SOS2: variants seen among roughly 807,000 people sequenced by gnomAD.
SOS2 encodes the protein SOS Ras/Rho guanine nucleotide exchange factor 2, also known as son of sevenless homolog 2.
In SOS2, 65 loss-of-function variants were observed where a neutral mutation model predicts 148.2. The ratio of observed to expected loss-of-function variants is 0.44; its 90% CI spans 0.36 to 0.54. The LOEUF (loss-of-function observed/expected upper bound fraction) is 0.54. Among genes scored for constraint, SOS2 ranks in the 20% least tolerant of loss-of-function variants. The pLI is 0.00. For missense variants in SOS2, 1,341 were observed against 1,590.2 expected (o/e 0.84, Z 2.67); for synonymous variants, 539 against 537.1 (o/e 1.00, Z -0.05).
At chr14:50,203,413 A>C (rs1292774808) in intron 2 of SOS2, among the ~76,000 whole-genome samples, 1 of 152,068 alleles carries the variant, frequency 6.6e-6, no homozygotes, top group Non-Finnish European at 1.5e-5. Flanking sequence ...ACTATTAGAC[A>C]TTTGTTTTTA....
At chr14:50,197,754 TCTCAA>T (rs1886359486) in intron 4 of SOS2, among the ~76,000 whole-genome samples, 1 of 147,346 alleles carries the variant, frequency 6.8e-6, no homozygotes, top group African/African-American at 2.5e-5. Flanking sequence ...AGTGGTGCAA[TCTCAA>T]CTCAGTGCAA....
At chr14:50,195,814 A>C (rs966237907) in intron 4 of SOS2, among the ~76,000 whole-genome samples, 1 of 152,146 alleles carries the variant, frequency 6.6e-6, no homozygotes, top group Non-Finnish European at 1.5e-5. Context: ...GCAGATCACA[A>C]GGTCAGGAGT....
chr14:50,220,061 C>T (rs1887154194), intron 1 of SOS2, among the ~76,000 whole-genome samples: 1 of 151,686 alleles, frequency 6.6e-6, no homozygotes, highest in Non-Finnish European at 1.5e-5. Context: ...TTCCCTACAC[C>T]TGTATGCTTA....
At chr14:50,183,919 A>G (rs1340037006) in intron 5 of SOS2, among the ~76,000 whole-genome samples, 3 of 152,230 alleles carry the variant, frequency 2.0e-5, no homozygotes, top group Non-Finnish European at 4.4e-5. Context: ...CATTGTGCAA[A>G]TATCACGGCT....
intron 6 of SOS2, 93 bp from the exon 7 acceptor site, chr14:50,180,775 C>T (rs1039608156): frequency 2.5e-5 from 17 of 674,912 alleles, no homozygotes; most frequent in Non-Finnish European, 3.7e-5. Context: ...CCCAGGAGTT[C>T]GAGGTTACAG....
At chr14:50,120,407 T>A in intron 21 of SOS2, 23 bp from the exon 22 acceptor site, 1 of 1,088,556 alleles carries the variant, frequency 9.2e-7, no homozygotes, top group Non-Finnish European at 1.4e-6. Context: ...AAGACTAGTT[T>A]AACCACAATT....
intron 13 of SOS2, 117 bp downstream of exon 13, chr14:50,152,953 A>G: frequency 1.8e-6 from 1 of 543,502 alleles, no homozygotes; most frequent in East Asian, 3.0e-5. Context: ...CAACAAAGCA[A>G]AGCTCTGTTT....
intron 4 of SOS2, among the ~76,000 whole-genome samples, chr14:50,192,648 G>A (rs940168066): frequency 3.9e-5 from 6 of 152,080 alleles, no homozygotes; most frequent in Non-Finnish European, 8.8e-5. Context: ...CAGATCACTT[G>A]AGGTCAGGAG....
intron 12 of SOS2, 45 bp downstream of exon 12, chr14:50,156,954 T>TAC: frequency 1.0e-6 from 1 of 958,478 alleles, no homozygotes; most frequent in Non-Finnish European, 1.6e-6. Flanking sequence ...TGTGTGTGTA[T>TAC]ATATATGTGT....
chr14:50,160,739 C>T (rs1482204262), intron 9 of SOS2, among the ~76,000 whole-genome samples: 7 of 152,178 alleles, frequency 4.6e-5, no homozygotes, highest in African/African-American at 1.7e-4. Context: ...GTGGCTCAGA[C>T]CTGCAATCTC....
intron 8 of SOS2, among the ~76,000 whole-genome samples, chr14:50,167,929 CT>C (rs1395032598): frequency 1.3e-5 from 2 of 151,248 alleles, no homozygotes; most frequent in African/African-American, 4.9e-5. Flanking sequence ...ATTTCTGTAA[CT>C]TTTTTCTGTT....
chr14:50,148,918 T>C (rs180761513), intron 14 of SOS2, among the ~76,000 whole-genome samples: 4 of 152,308 alleles, frequency 2.6e-5, no homozygotes, highest in Admixed American at 1.3e-4. Context: ...ATTTTAGAGA[T>C]AGGGTCTCAC....
chr14:50,145,279 A>G lies in SOS2; in HGVS notation c.2558T>C (p.Ile853Thr). The change falls in exon 16 of 23, where the codon ATT becomes ACT. Residue 853 changes from isoleucine (I) to threonine (T), a missense_variant. Coordinates refer to ENST00000216373, the MANE Select transcript of SOS2 (RefSeq NM_006939.4). ...TTGAAAAACTTGCAGAATTTCTATA[A>G]TTCTACTTAGTACTGCCACCCGTTC... is the stretch of plus-strand genomic sequence containing the variant. ...FEERVAVLSRIIEILQVFQDL... is the reference protein window; with the variant it reads ...FEERVAVLSRTIEILQVFQDL... 1 of 1,612,436 alleles carries G rather than the reference A, an allele frequency of 6.2e-7. No individual in the cohort carries two copies.
chr14:50,170,580 G>A (rs1478830356), intron 8 of SOS2, among the ~76,000 whole-genome samples: 1 of 151,946 alleles, frequency 6.6e-6, no homozygotes, highest in African/African-American at 2.4e-5. Context: ...TAGCTACGTG[G>A]GAGGGTCGCC....
intron 12 of SOS2, chr14:50,156,350 C>G (rs1479798899): frequency 6.6e-6 from 1 of 152,054 alleles, no homozygotes; most frequent in East Asian, 1.9e-4. Context: ...GCTCAAATTA[C>G]TTCACCTTGC....
chr14:50,128,316 G>A (rs1883748909), intron 21 of SOS2, among the ~76,000 whole-genome samples: 1 of 152,092 alleles, frequency 6.6e-6, no homozygotes, highest in Non-Finnish European at 1.5e-5. Context: ...AAGGGAAAGG[G>A]AAACGAAAAG....
intron 21 of SOS2, among the ~76,000 whole-genome samples, chr14:50,125,218 G>C (rs545618477): frequency 1.8e-4 from 28 of 152,330 alleles, no homozygotes; most frequent in African/African-American, 6.7e-4. Flanking sequence ...ACAGCCATAT[G>C]ACAATGGAGG....
intron 1 of SOS2, among the ~76,000 whole-genome samples, chr14:50,226,573 C>G (rs10145117): frequency 6.6e-6 from 1 of 152,164 alleles, no homozygotes; most frequent in Non-Finnish European, 1.5e-5. Flanking sequence ...CACCTCTTGC[C>G]TTTTAGATAT....
intron 18 of SOS2, among the ~76,000 whole-genome samples, chr14:50,135,071 CAAAAAAA>C (rs746540364): frequency 8.7e-5 from 5 of 57,516 alleles, no homozygotes; most frequent in Non-Finnish European, 1.3e-4. Context: ...GAGACTGTCT[CAAAAAAA>C]AAAAAAAAAA....
Sources: gnomAD v4.1 joint callset for allele counts (sites outside exome capture counted in the v4.1 genomes callset) on GRCh38, gnomAD v4.1.1 for gene constraint, MANE v1.5 for transcripts, NCBI Gene and HGNC (gene_info 2026-07-23, HGNC 2026-07-21) for gene names.